Variants in CCNE1 observed in about 807,000 individuals in gnomAD.
The protein encoded by CCNE1 is cyclin E1.
CCNE1 carries 8 observed loss-of-function variants against 54.1 expected under a neutral mutation model. The observed-to-expected ratio is 0.15, with a 90% confidence interval of 0.09 to 0.27. CCNE1 has a LOEUF of 0.27. Among genes scored for constraint, CCNE1 ranks in the 10% least tolerant of loss-of-function variants. CCNE1 has a pLI of 1.00. For missense variants in CCNE1, 430 were observed against 514.9 expected, an observed-to-expected ratio of 0.84 and a Z score of 1.60; for synonymous variants, 179 against 185.2, an observed-to-expected ratio of 0.97 and a Z score of 0.27.
At chr19:29,820,143 G>A (rs1974114775) in intron 6 of CCNE1, among the ~76,000 whole-genome samples, 1 of 152,220 alleles carries the variant, frequency 6.6e-6, no homozygotes, top group Non-Finnish European at 1.5e-5. Flanking sequence ...CTGTGTGCTA[G>A]TGAGTGACTA....
chr19:29,817,236 C>T lies in CCNE1; in HGVS notation c.280C>T (p.Pro94Ser). The change falls in exon 5 of 12, where the codon CCT becomes TCT. Residue 94 changes from proline (P) to serine (S), a missense_variant. Coordinates refer to ENST00000262643, the MANE Select transcript of CCNE1 (RefSeq NM_001238.4). ...GGTTTACCCAAACTCAACGTGCAAGCCTCGGATTATTGCACCATCCAGAGG... is the reference window on the plus strand; with the variant it reads ...GGTTTACCCAAACTCAACGTGCAAGTCTCGGATTATTGCACCATCCAGAGG... The part of the protein sequence containing the change: ...DRVYPNSTCK[P>S]RIIAPSRGSP... The T allele has an allele frequency of 6.2e-7, 1 of 1,614,168 alleles. No individual in the cohort carries two copies. Among genetic ancestry groups the T allele is most frequent in the Non-Finnish European group, 8.5e-7 (1 of 1,180,032 alleles).
chr19:29,817,038 A>T, intron 4 of CCNE1, 99 bp from the exon 5 acceptor site: 2 of 1,210,270 alleles, frequency 1.7e-6, no homozygotes, highest in Non-Finnish European at 2.3e-6. Context: ...AGTCATGCCT[A>T]GTATCTTACT....
Position 29,822,070 on chromosome 19 carries a change from T to C in CCNE1, c.780T>C (p.Asn260=). Reference sequence around the variant, plus strand: ...TATACATGCAGGTTGCATATCTAAATGACTTACATGAAGTGCTACTGCCGC... The same window carrying C: ...TATACATGCAGGTTGCATATCTAAACGACTTACATGAAGTGCTACTGCCGC... The part of the protein sequence containing the change: ...LNVYMQVAYL[N]DLHEVLLPQY... The change falls in exon 9 of 12, where the codon AAT becomes AAC. Residue 260 remains asparagine (N), a synonymous_variant. Coordinates refer to ENST00000262643, the MANE Select transcript of CCNE1 (RefSeq NM_001238.4). 1 of 1,614,154 alleles carries C rather than the reference T, an allele frequency of 6.2e-7. No homozygotes were observed. The highest frequency in any genetic ancestry group is 1.1e-5 in the South Asian group (1 of 91,088).
intron 6 of CCNE1, among the ~76,000 whole-genome samples, chr19:29,819,720 C>T (rs1452771328): frequency 5.9e-5 from 9 of 152,162 alleles, no homozygotes; most frequent in Non-Finnish European, 1.0e-4. Flanking sequence ...GGATGAACTG[C>T]GGTAGCTTAT....
chr19:29,823,364 C>T (rs1255471925), intron 11 of CCNE1, among the ~76,000 whole-genome samples: 4 of 152,024 alleles, frequency 2.6e-5, no homozygotes, highest in African/African-American at 9.7e-5. Flanking sequence ...GCCAAAATGG[C>T]GAAACCCTGT....
chr19:29,820,990 C>T (rs1165583302), intron 7 of CCNE1, 142 bp downstream of exon 7: 3 of 606,518 alleles, frequency 4.9e-6, no homozygotes, highest in Non-Finnish European at 8.5e-6. Flanking sequence ...AAGACACATG[C>T]CAAAAAGAAA....
At chr19:29,812,932 G>A (rs1973929033) in intron 3 of CCNE1, 37 bp from the exon 4 acceptor site, 2 of 1,612,436 alleles carry the variant, frequency 1.2e-6, no homozygotes, top group African/African-American at 1.3e-5. Context: ...CTTGTTTGGT[G>A]TGTTTCCTTG....
Position 29,824,152 on chromosome 19 carries a change from G to A in CCNE1, c.*375G>A, listed in dbSNP as rs949755495. 3.7e-6 allele frequency: 1 copy of A among 270,340 alleles called. No homozygotes were observed. Among genetic ancestry groups the A allele is most frequent in the Non-Finnish European group, 7.0e-6 (1 of 142,304 alleles). The allele number at this position is 270,340 out of a possible 1,614,324, so 16.7% of individuals were successfully genotyped here. A position where few individuals can be genotyped will look rare whatever the true frequency, so the allele number is the denominator to read the frequency against. On this transcript the variant is annotated 3_prime_UTR_variant, in exon 12 of 12. Transcript: ENST00000262643. ...GGCTCCGTTGTACCAAGTGGAGCAGGTGGTTGCGGGCAAGCGTTGTGCAGA... is the reference window on the plus strand; with the variant it reads ...GGCTCCGTTGTACCAAGTGGAGCAGATGGTTGCGGGCAAGCGTTGTGCAGA...
At chr19:29,812,265 G>T (rs1363032762) in intron 1 of CCNE1, 113 bp downstream of exon 1, 1 of 172,580 alleles carries the variant, frequency 5.8e-6, no homozygotes, top group African/African-American at 2.4e-5. Flanking sequence ...GGCGTCGCGG[G>T]GCGCCCGGGA....
At position 29,812,521 on chromosome 19, in the gene CCNE1, C is replaced by G; in HGVS notation, c.-24-11C>G. 1.5e-6 allele frequency: 2 copies of G among 1,298,438 alleles called. No individual in the cohort carries two copies. The highest frequency in any genetic ancestry group is 1.9e-6 in the Non-Finnish European group (2 of 1,031,286). The allele number at this position is 1,298,438 out of a possible 1,614,324, so 80.4% of individuals were successfully genotyped here. On this transcript the variant is annotated splice_polypyrimidine_tract_variant and intron_variant, in intron 1 of 11. Coordinates refer to ENST00000262643, the MANE Select transcript of CCNE1 (RefSeq NM_001238.4). Reference sequence around the variant, plus strand: ...GACCCCGCCGCCGCCTCACCCCGCGCCGCCCCGCAGGCCTCAGGCCGGAGC... The same window carrying G: ...GACCCCGCCGCCGCCTCACCCCGCGGCGCCCCGCAGGCCTCAGGCCGGAGC...
At chr19:29,812,808 C>CG in intron 3 of CCNE1, 32 bp downstream of exon 3, 1 of 1,451,748 alleles carries the variant, frequency 6.9e-7, no homozygotes, top group Non-Finnish European at 9.1e-7. Flanking sequence ...TGGGGAGCAT[C>CG]CCCCCCATCT....
In CCNE1 at chr19:29,821,913, G is replaced by A; in HGVS notation, c.706-83G>A. On this transcript the variant is annotated intron_variant, in intron 8 of 11. Coordinates refer to ENST00000262643, the MANE Select transcript of CCNE1 (RefSeq NM_001238.4). ...TGCCTCTGGGAGGTGTTCTCCAGCTGGACACATTGTGGCATGGAACATGGC... is the reference window on the plus strand; with the variant it reads ...TGCCTCTGGGAGGTGTTCTCCAGCTAGACACATTGTGGCATGGAACATGGC... 6 of 1,515,654 alleles carry A rather than the reference G, an allele frequency of 4.0e-6. No individual in the cohort carries two copies. The South Asian group carries it at 5.7e-5, about 15-fold the overall frequency. The allele number at this position is 1,515,654 out of a possible 1,614,324, so 93.9% of individuals were successfully genotyped here. A position where few individuals can be genotyped will look rare whatever the true frequency, so the allele number is the denominator to read the frequency against.
In CCNE1 at chr19:29,812,006, G is replaced by C. The variant is rs1460727859; in HGVS notation, c.-171G>C. On this transcript the variant is annotated 5_prime_UTR_variant, in exon 1 of 12. Transcript: ENST00000262643. ...AGCCGGGCGCAGGAGCAGCCGGCGC[G>C]GCCGCCAGCGCGGTGTAGGGGGCAG... 1 of 146,978 alleles carries C rather than the reference G, an allele frequency of 6.8e-6. No homozygotes were observed. Among genetic ancestry groups the C allele is most frequent in the Non-Finnish European group, 1.5e-5 (1 of 66,008 alleles). The allele number at this position is 146,978 out of a possible 1,614,324, so 9.1% of individuals were successfully genotyped here.
At chr19:29,815,779 C>A (rs1011337917) in intron 4 of CCNE1, among the ~76,000 whole-genome samples, 1 of 151,498 alleles carries the variant, frequency 6.6e-6, no homozygotes, top group Non-Finnish European at 1.5e-5. Flanking sequence ...CAGGCGCCCG[C>A]TACCACACCC....
Position 29,812,082 on chromosome 19 carries a change from C to CCGCCGCCACTGCCGT in CCNE1, c.-87_-73dup, listed in dbSNP as rs1973898420. On this transcript the variant is annotated 5_prime_UTR_variant, in exon 1 of 12. Coordinates refer to ENST00000262643, the MANE Select transcript of CCNE1 (RefSeq NM_001238.4). ...CTCGGCCCGCCGACTCCCGGCGCCG[C>CCGCCGCCACTGCCGT]CGCCGCCACTGCCGTCGCCGCCGCC... is the stretch of plus-strand genomic sequence containing the variant. 1 of 145,188 alleles carries CCGCCGCCACTGCCGT rather than the reference C, an allele frequency of 6.9e-6. No individual in the cohort carries two copies. The highest frequency in any genetic ancestry group is 7.8e-5 in the Admixed American group (1 of 12,894). The allele number at this position is 145,188 out of a possible 1,614,324, so 9.0% of individuals were successfully genotyped here.
At chr19:29,817,024 C>T in intron 4 of CCNE1, 113 bp from the exon 5 acceptor site, 1 of 1,096,446 alleles carries the variant, frequency 9.1e-7, no homozygotes, top group South Asian at 1.7e-5. Flanking sequence ...GAAGCACTTT[C>T]AGAAGTCATG....
rs1390818621 is a variant in CCNE1, at chr19:29,822,335, G to A, written c.936G>A (p.Leu312=). Residue 312 remains leucine (L), a synonymous_variant, in exon 10 of 12, where the codon TTG becomes TTA. Transcript: ENST00000262643. The part of the protein sequence containing the change: ...SALYHFSSSE[L]MQKVSGYQWC... ...TGTATCATTTCTCGTCATCTGAATT[G>A]ATGCAAAAGGTTTCAGGTAAGTTGG... 5 of 1,614,028 alleles carry A rather than the reference G, an allele frequency of 3.1e-6. No individual in the cohort carries two copies. In the Admixed American group the frequency reaches 8.3e-5, roughly 27 times the overall value.
intron 6 of CCNE1, among the ~76,000 whole-genome samples, chr19:29,820,330 C>A (rs938202948): frequency 6.6e-6 from 1 of 152,166 alleles, no homozygotes; most frequent in South Asian, 2.1e-4. Flanking sequence ...GCAGGTGGAT[C>A]ACTTGAGGCC....
Position 29,812,551 on chromosome 19 carries a change from C to G in CCNE1, c.-5C>G, listed in dbSNP as rs535522927. ...CCGCAGGCCTCAGGCCGGAGCAGCC[C>G]CATCATGCCGAGGGAGCGCAGGGAG... On this transcript the variant is annotated 5_prime_UTR_variant, in exon 2 of 12. Coordinates refer to ENST00000262643, the MANE Select transcript of CCNE1 (RefSeq NM_001238.4). The G allele has an allele frequency of 2.7e-6, 4 of 1,499,820 alleles. No homozygotes were observed. The highest frequency in any genetic ancestry group is 3.5e-6 in the Non-Finnish European group (4 of 1,129,834). The allele number at this position is 1,499,820 out of a possible 1,614,324, so 92.9% of individuals were successfully genotyped here.
Sources: allele counts gnomAD v4.1 joint callset (sites outside exome capture counted in the v4.1 genomes callset), GRCh38; gene constraint gnomAD v4.1.1; transcripts MANE v1.5; gene names NCBI Gene and HGNC (gene_info 2026-07-23, HGNC 2026-07-21).